DOCK9: variants seen among roughly 807,000 people sequenced by gnomAD.
The protein encoded by DOCK9 is dedicator of cytokinesis protein 9.
Under a neutral mutation model 263.3 loss-of-function variants are expected in DOCK9, and 89 were observed. That is an observed-to-expected ratio of 0.34 (90% CI 0.28 to 0.40). The LOEUF (loss-of-function observed/expected upper bound fraction) is 0.40, where lower values mean the gene tolerates loss of function less well. Ranked by LOEUF, DOCK9 falls within the 10% of genes least tolerant of loss-of-function variation. The pLI is 1.00. For missense variants in DOCK9, 2,140 were observed against 2,603.4 expected, an observed-to-expected ratio of 0.82 and a Z score of 3.87; for synonymous variants, 976 against 973.1, an observed-to-expected ratio of 1.00 and a Z score of -0.06.
intron 7 of DOCK9, 95 bp downstream of exon 7, chr13:98,920,859 G>T: frequency 8.2e-7 from 1 of 1,215,892 alleles, no homozygotes; most frequent in Non-Finnish European, 1.1e-6. Flanking sequence ...CATGCATATT[G>T]CCATTTTTGG....
At chr13:99,085,983 G>A (rs952892053) in intron 1 of DOCK9, among the ~76,000 whole-genome samples, 2 of 152,144 alleles carry the variant, frequency 1.3e-5, no homozygotes, top group Admixed American at 6.5e-5. Context: ...AGGAGGAAGG[G>A]GACAGCGATG....
At chr13:98,974,698 C>T (rs1289546362) in intron 1 of DOCK9, among the ~76,000 whole-genome samples, 9 of 124,858 alleles carry the variant, frequency 7.2e-5, no homozygotes, top group Admixed American at 1.0e-4. Context: ...TACAGTGAGC[C>T]GAGATCATGC....
chr13:99,079,048 G>A (rs567134435), intron 1 of DOCK9, among the ~76,000 whole-genome samples: 97 of 152,314 alleles, frequency 6.4e-4, no homozygotes, highest in Non-Finnish European at 1.0e-3. Flanking sequence ...ATAATTTTAT[G>A]ACAGGTACAC....
intron 1 of DOCK9, among the ~76,000 whole-genome samples, chr13:99,075,329 A>G (rs2041865004): frequency 6.8e-6 from 1 of 147,118 alleles, no homozygotes. Flanking sequence ...GTTCAAACCC[A>G]TGTTGTTCAA....
chr13:98,981,340 A>C (rs550453450), upstream of DOCK9, among the ~76,000 whole-genome samples: 1 of 152,208 alleles, frequency 6.6e-6, no homozygotes, highest in Non-Finnish European at 1.5e-5. Flanking sequence ...TATAGATGTG[A>C]GCTACCATGC....
chr13:99,068,904 C>T (rs887803131), intron 1 of DOCK9, among the ~76,000 whole-genome samples: 1 of 152,138 alleles, frequency 6.6e-6, no homozygotes, highest in African/African-American at 2.4e-5. Flanking sequence ...CTGCTATCAC[C>T]ATAGGAACTC....
chr13:98,880,610 GGTCA>G lies in DOCK9; in HGVS notation c.2804_2807del (p.Leu935ProfsTer4). The G allele has an allele frequency of 6.2e-7, 1 of 1,613,866 alleles. No individual in the cohort carries two copies. Among genetic ancestry groups the G allele is most frequent in the Non-Finnish European group, 8.5e-7 (1 of 1,179,840 alleles). ...GCTTGAGAATCGTGGTCATGGATTT[GGTCA>G]GTTCTTCATGCACTGTCTTGTATTC... On this transcript the variant is annotated frameshift_variant, in exon 26 of 53. Coordinates refer to ENST00000682017, the MANE Select transcript of DOCK9 (RefSeq NM_001366683.2). LOFTEE classifies it high-confidence loss of function.
intron 1 of DOCK9, among the ~76,000 whole-genome samples, chr13:99,028,810 T>C (rs1887043489): frequency 6.6e-6 from 1 of 152,286 alleles, no homozygotes; most frequent in South Asian, 2.1e-4. Flanking sequence ...TGTGTGAGAA[T>C]GTTTATATTC....
intron 1 of DOCK9, among the ~76,000 whole-genome samples, chr13:98,968,372 G>A (rs1456029060): frequency 6.6e-6 from 1 of 152,088 alleles, no homozygotes. Flanking sequence ...TGTAATCCCA[G>A]CACTTTGGGA....
Position 98,977,410 on chromosome 13 carries a change from C to T in DOCK9, c.126+374G>A, listed in dbSNP as rs530174092. On this transcript the variant is annotated intron_variant, in intron 1 of 52. Transcript: ENST00000682017. ...CTCATTTTCTCAATAGCATAAATAA[C>T]GTAGAAAAGGTTTTAATTTTGCAAA... Among the ~76,000 whole-genome samples the T allele has an allele frequency of 6.6e-5, 10 of 152,254 alleles. No homozygotes were observed. In the East Asian group the frequency reaches 1.5e-3, roughly 23 times the overall value.
chr13:98,816,021 TCAC>T (rs1159431322), intron 45 of DOCK9, among the ~76,000 whole-genome samples: 2 of 152,182 alleles, frequency 1.3e-5, no homozygotes, highest in Non-Finnish European at 2.9e-5. Context: ...CTATGTGTCC[TCAC>T]CACCACATCA....
chr13:99,048,542 T>G (rs759159889), intron 1 of DOCK9, among the ~76,000 whole-genome samples: 1 of 152,246 alleles, frequency 6.6e-6, no homozygotes, highest in Non-Finnish European at 1.5e-5. Context: ...CTCCCAGCCC[T>G]GCTCCTCGGA....
At chr13:98,853,853 A>G (rs2093635154) in intron 34 of DOCK9, among the ~76,000 whole-genome samples, 2 of 152,206 alleles carry the variant, frequency 1.3e-5, no homozygotes, top group Admixed American at 1.3e-4. Flanking sequence ...CTCATGCAAG[A>G]AAGTATGTGT....
At chr13:99,037,674 T>G (rs1215073002) in intron 1 of DOCK9, among the ~76,000 whole-genome samples, 1 of 152,240 alleles carries the variant, frequency 6.6e-6, no homozygotes, top group Non-Finnish European at 1.5e-5. Flanking sequence ...CAAATATTCA[T>G]GGCAACTTTA....
At position 98,888,442 on chromosome 13, in the gene DOCK9, G is replaced by A. The variant is rs376943227; in HGVS notation, c.1895C>T (p.Thr632Ile). Residue 632 changes from threonine (T) to isoleucine (I), a missense_variant, in exon 17 of 53, where the codon ACT becomes ATT. Coordinates refer to ENST00000682017, the MANE Select transcript of DOCK9 (RefSeq NM_001366683.2). ...ATTGGTGTAGATGGTGTAAGGCTGA[G>A]TGTGTTTTGGTATGCAGGGCACAAA... ...EEFVPCIPKH[T>I]QPYTIYTNHL... 6.2e-7 allele frequency: 1 copy of A among 1,613,974 alleles called. No homozygotes were observed. The highest frequency in any genetic ancestry group is 8.5e-7 in the Non-Finnish European group (1 of 1,179,852).
intron 2 of DOCK9, among the ~76,000 whole-genome samples, chr13:98,937,359 C>A (rs954834499): frequency 6.6e-6 from 1 of 151,380 alleles, no homozygotes; most frequent in Non-Finnish European, 1.5e-5. Flanking sequence ...AGGTATGCAC[C>A]TGCAAGAAAG....
chr13:99,047,626 C>T (rs1487474277), intron 1 of DOCK9, among the ~76,000 whole-genome samples: 1 of 150,344 alleles, frequency 6.7e-6, no homozygotes, highest in Non-Finnish European at 1.5e-5. Context: ...TCAAGCCATT[C>T]TCCTGCCTCA....
intron 1 of DOCK9, among the ~76,000 whole-genome samples, chr13:98,970,144 C>CCA (rs1555433172): frequency 6.6e-6 from 1 of 151,498 alleles, no homozygotes; most frequent in Non-Finnish European, 1.5e-5. Context: ...ACAGGTCTGC[C>CCA]CCAAGCTGGG....
intron 7 of DOCK9, among the ~76,000 whole-genome samples, chr13:98,916,564 G>C (rs952887075): frequency 6.6e-6 from 1 of 152,214 alleles, no homozygotes; most frequent in Non-Finnish European, 1.5e-5. Context: ...CTGCAGCACA[G>C]TTCTTAGAAA....
Sources: gnomAD v4.1 joint callset for allele counts (sites outside exome capture counted in the v4.1 genomes callset) on GRCh38, gnomAD v4.1.1 for gene constraint, MANE v1.5 for transcripts, NCBI Gene and HGNC (gene_info 2026-07-23, HGNC 2026-07-21) for gene names.